Variants in CFTR observed in about 807,000 individuals in gnomAD.
The protein encoded by CFTR is cystic fibrosis transmembrane conductance regulator.
Under a neutral mutation model 171.6 loss-of-function variants are expected in CFTR, and 181 were observed. That is an observed-to-expected ratio of 1.05 (90% CI 0.93 to 1.19). The LOEUF (loss-of-function observed/expected upper bound fraction) is 1.19, where lower values mean the gene tolerates loss of function less well. Among genes scored for constraint, CFTR ranks in the 50% most tolerant of loss-of-function variants. CFTR has a pLI of 0.00. For missense variants in CFTR, 1,968 were observed against 1,734.7 expected (o/e 1.13, Z -2.39); for synonymous variants, 583 against 608.0 (o/e 0.96, Z 0.60).
chr7:117,543,794 T>C (rs1359309905), intron 9 of CFTR, among the ~76,000 whole-genome samples: 1 of 152,236 alleles, frequency 6.6e-6, no homozygotes, highest in African/African-American at 2.4e-5. Flanking sequence ...TTACTTATGA[T>C]GGTGATGCTT....
intron 10 of CFTR, among the ~76,000 whole-genome samples, chr7:117,549,141 C>T (rs1584793849): frequency 6.6e-6 from 1 of 152,280 alleles, no homozygotes; most frequent in East Asian, 1.9e-4. Context: ...CCATTCTTAA[C>T]CAGAACAGAC....
chr7:117,608,240 T>C (rs1257833091), intron 18 of CFTR, among the ~76,000 whole-genome samples: 1 of 152,196 alleles, frequency 6.6e-6, no homozygotes. Context: ...AGTCTCACTC[T>C]GTTGCCCAGG....
chr7:117,483,566 G>T (rs1180907628), intron 1 of CFTR, among the ~76,000 whole-genome samples: 1 of 151,892 alleles, frequency 6.6e-6, no homozygotes, highest in Non-Finnish European at 1.5e-5. Context: ...TCTTTTGTTT[G>T]TTTGTTTTTA....
At position 117,530,905 on chromosome 7, in the gene CFTR, A is replaced by C. The variant is rs1434378124; in HGVS notation, c.280A>C (p.Thr94Pro). ...YGIFLYLGEVTKAVQPLLLGR... is the reference protein window; with the variant it reads ...YGIFLYLGEVPKAVQPLLLGR... ...TGTTTTTCCCCTTTTGTAGGAAGTC[A>C]CCAAAGCAGTACAGCCTCTCTTACT... Residue 94 changes from threonine to proline, a missense_variant, in exon 4 of 27, where the codon ACC (threonine) becomes CCC (proline). Transcript: ENST00000003084. 6.2e-7 allele frequency: 1 copy of C among 1,609,540 alleles called. No individual in the cohort carries two copies. Among genetic ancestry groups the C allele is most frequent in the Admixed American group, 1.7e-5 (1 of 59,896 alleles).
At chr7:117,587,577 TAA>T (rs1361512109) in intron 11 of CFTR, among the ~76,000 whole-genome samples, 160 bp from the exon 12 acceptor site, 1 of 152,218 alleles carries the variant, frequency 6.6e-6, no homozygotes, top group Non-Finnish European at 1.5e-5. Context: ...TTTGACCAAC[TAA>T]ATAAATTGCA....
At position 117,509,038 on chromosome 7, in the gene CFTR, T is replaced by C. The variant is rs397508272; in HGVS notation, c.169T>C (p.Trp57Arg). ...DNLSEKLERE[W>R]DRELASKKNP... ...CCACTTTTTATTCTTTTGCAGAGAA[T>C]GGGATAGAGAGCTGGCTTCAAAGAA... is the stretch of plus-strand genomic sequence containing the variant. The change falls in exon 3 of 27, where the codon TGG (tryptophan) becomes CGG (arginine). Residue 57 changes from tryptophan (W) to arginine (R), a missense_variant. Coordinates refer to ENST00000003084, the MANE Select transcript of CFTR (RefSeq NM_000492.4). The C allele has an allele frequency of 3.1e-6, 5 of 1,598,888 alleles. No homozygotes were observed.
rs181301194 is a variant in CFTR, at chr7:117,666,612, G to C, written c.4243-296G>C. Among the ~76,000 whole-genome samples, 139 of 152,200 alleles carry C rather than the reference G, an allele frequency of 9.1e-4. 1 individual carries two copies. Among genetic ancestry groups the C allele is most frequent in the Non-Finnish European group, 1.7e-3 (114 of 68,018 alleles). On this transcript the variant is annotated intron_variant, in intron 26 of 26. Transcript: ENST00000003084. ...CTGTAGACTTACGCTCATTTTCTAGGTAATTTATAAGGGACCTAATATTTT... is the reference window on the plus strand; with the variant it reads ...CTGTAGACTTACGCTCATTTTCTAGCTAATTTATAAGGGACCTAATATTTT...
chr7:117,504,468 TAGG>T, intron 2 of CFTR, 105 bp downstream of exon 2: 1 of 723,552 alleles, frequency 1.4e-6, no homozygotes, highest in Non-Finnish European at 2.4e-6. Context: ...TATTTAAAAA[TAGG>T]AGCCAAGTAT....
At chr7:117,666,823 T>G in intron 26 of CFTR, 85 bp from the exon 27 acceptor site, 1 of 1,164,534 alleles carries the variant, frequency 8.6e-7, no homozygotes, top group Non-Finnish European at 1.3e-6. Flanking sequence ...GACTTTTATT[T>G]TCCTTTGAGC....
At chr7:117,653,748 A>G (rs1189619465) in intron 24 of CFTR, among the ~76,000 whole-genome samples, 1 of 152,210 alleles carries the variant, frequency 6.6e-6, no homozygotes, top group Non-Finnish European at 1.5e-5. Flanking sequence ...TTGTTCCAGC[A>G]TCAACTTACA....
chr7:117,652,413 A>G (rs1793102016), intron 23 of CFTR, among the ~76,000 whole-genome samples: 1 of 152,220 alleles, frequency 6.6e-6, no homozygotes, highest in Non-Finnish European at 1.5e-5. Flanking sequence ...TATCAGAGAA[A>G]TCCAAGGAAA....
At chr7:117,617,740 T>C (rs1463025799) in intron 21 of CFTR, among the ~76,000 whole-genome samples, 1 of 152,096 alleles carries the variant, frequency 6.6e-6, no homozygotes, top group Non-Finnish European at 1.5e-5. Flanking sequence ...TCCCTCTTTG[T>C]GGGATCTTTC....
intron 24 of CFTR, among the ~76,000 whole-genome samples, chr7:117,662,264 C>A (rs940921987): frequency 6.6e-6 from 1 of 152,106 alleles, no homozygotes; most frequent in East Asian, 1.9e-4. Flanking sequence ...GAGCTCAGTA[C>A]ATATTTGATA....
At chr7:117,630,487 T>G (rs1792724163) in intron 22 of CFTR, among the ~76,000 whole-genome samples, 1 of 152,114 alleles carries the variant, frequency 6.6e-6, no homozygotes, top group Non-Finnish European at 1.5e-5. Context: ...ATCCGGAAAA[T>G]TTAGGCACAC....
At chr7:117,632,138 G>A (rs547755375) in intron 22 of CFTR, among the ~76,000 whole-genome samples, 2 of 152,230 alleles carry the variant, frequency 1.3e-5, no homozygotes, top group South Asian at 2.1e-4. Flanking sequence ...AAGAACTTAT[G>A]AGAAATGTTC....
At chr7:117,577,364 A>C (rs1353001713) in intron 11 of CFTR, among the ~76,000 whole-genome samples, 1 of 152,130 alleles carries the variant, frequency 6.6e-6, no homozygotes, top group Non-Finnish European at 1.5e-5. Context: ...TGTTGTTTTA[A>C]GCAGAAGCGT....
At chr7:117,653,914 A>G (rs1329949831) in intron 24 of CFTR, among the ~76,000 whole-genome samples, 1 of 152,214 alleles carries the variant, frequency 6.6e-6, no homozygotes, top group Non-Finnish European at 1.5e-5. Flanking sequence ...TCAAAATAAA[A>G]TGGTGAAACA....
intron 15 of CFTR, among the ~76,000 whole-genome samples, chr7:117,597,517 T>G (rs1032878061): frequency 6.6e-6 from 1 of 152,140 alleles, no homozygotes; most frequent in Non-Finnish European, 1.5e-5. Context: ...AAGAAAAAAG[T>G]CCATGCGTAA....
chr7:117,624,764 A>G (rs1361879805), intron 21 of CFTR, among the ~76,000 whole-genome samples: 1 of 152,156 alleles, frequency 6.6e-6, no homozygotes, highest in Non-Finnish European at 1.5e-5. Context: ...CTGTTTTTGC[A>G]TAGACACTAT....
Sources: gnomAD v4.1 joint callset for allele counts (sites outside exome capture counted in the v4.1 genomes callset) on GRCh38, gnomAD v4.1.1 for gene constraint, MANE v1.5 for transcripts, NCBI Gene and HGNC (gene_info 2026-07-23, HGNC 2026-07-21) for gene names.